Variants in ATG7 observed in about 807,000 individuals in gnomAD.
ATG7 encodes autophagy related 7, also known as ubiquitin-like modifier-activating enzyme ATG7.
A neutral mutation model predicts 82.4 loss-of-function variants in ATG7; 70 were observed. That is an observed-to-expected ratio of 0.85 (90% confidence interval 0.70 to 1.04). ATG7 has a LOEUF of 1.04. Among genes scored for constraint, ATG7 ranks in the 50% least tolerant of loss-of-function variants. The probability of loss-of-function intolerance (pLI) is 0.00; values close to 1 mark genes in which losing one functional copy is unlikely to be tolerated. For synonymous variants in ATG7, 287 were observed against 313.0 expected (o/e 0.92, Z 0.88); for missense variants, 792 against 864.3 (o/e 0.92, Z 1.05).
chr3:11,318,585 C>T (rs1038730643), intron 9 of ATG7, among the ~76,000 whole-genome samples: 1 of 152,176 alleles, frequency 6.6e-6, no homozygotes, highest in African/African-American at 2.4e-5. Flanking sequence ...CATTTTCTAA[C>T]GTGTAAATTT....
At chr3:11,549,916 T>C (rs1235280121) in intron 20 of ATG7, among the ~76,000 whole-genome samples, 1 of 152,198 alleles carries the variant, frequency 6.6e-6, no homozygotes, top group African/African-American at 2.4e-5. Flanking sequence ...TAGCTTCAGC[T>C]CTCCGAGGAG....
chr3:11,372,215 G>C (rs944271885), intron 18 of ATG7, among the ~76,000 whole-genome samples: 10 of 151,092 alleles, frequency 6.6e-5, no homozygotes, highest in Non-Finnish European at 1.2e-4. Flanking sequence ...CAGGTAATTG[G>C]GATTCTTCTA....
intron 20 of ATG7, chr3:11,477,017 C>T: frequency 9.5e-7 from 1 of 1,054,184 alleles, no homozygotes; most frequent in Non-Finnish European, 1.3e-6. Flanking sequence ...TTTCCGATGG[C>T]AGTCATTAAA....
At chr3:11,541,785 C>CT (rs2070857543) in intron 20 of ATG7, among the ~76,000 whole-genome samples, 1 of 152,184 alleles carries the variant, frequency 6.6e-6, no homozygotes, top group Admixed American at 6.5e-5. Context: ...AAGTGCCTGC[C>CT]TTTTTAAAGG....
chr3:11,538,672 G>A (rs1298433128), intron 20 of ATG7, among the ~76,000 whole-genome samples: 6 of 79,818 alleles, frequency 7.5e-5, no homozygotes, highest in Non-Finnish European at 1.3e-4. Context: ...ATGAAACTCC[G>A]TCTCTAAAAA....
Position 11,554,920 on chromosome 3 carries a change from C to T in ATG7, c.*77C>T. 6.5e-7 allele frequency: 1 copy of T among 1,546,626 alleles called. No individual in the cohort carries two copies. Among genetic ancestry groups the T allele is most frequent in the Non-Finnish European group, 8.8e-7 (1 of 1,141,440 alleles). ...TCCATCGCCAGAGCAGGACTGCTGA[C>T]CCCAGGCCTGGTGATTCTGGGCCCC... On this transcript the variant is annotated 3_prime_UTR_variant, in exon 21 of 21. Coordinates refer to ENST00000693202, the MANE Select transcript of ATG7 (RefSeq NM_001349232.2).
At chr3:11,345,172 G>A (rs777232023) in intron 13 of ATG7, among the ~76,000 whole-genome samples, 9 of 152,020 alleles carry the variant, frequency 5.9e-5, no homozygotes, top group Non-Finnish European at 1.0e-4. Context: ...TTGGGAGGCC[G>A]AGGCGGGCGG....
At chr3:11,378,410 C>T (rs931710593) in intron 18 of ATG7, among the ~76,000 whole-genome samples, 3 of 150,630 alleles carry the variant, frequency 2.0e-5, no homozygotes, top group Non-Finnish European at 4.4e-5. Context: ...GGGCTGGGCG[C>T]GGTGGCTCAC....
intron 18 of ATG7, among the ~76,000 whole-genome samples, chr3:11,377,289 C>T (rs2077492084): frequency 6.6e-6 from 1 of 152,146 alleles, no homozygotes; most frequent in Non-Finnish European, 1.5e-5. Flanking sequence ...ATTTGAAAGT[C>T]CTCACACACA....
At position 11,510,854 on chromosome 3, in the gene ATG7, A is replaced by G. The variant is rs532270443; in HGVS notation, c.2080-43957A>G. 2.6e-5 allele frequency among the ~76,000 whole-genome samples: 4 copies of G among 152,222 alleles called. No individual in the cohort carries two copies. The East Asian group carries it at 7.7e-4, about 29-fold the overall frequency. On this transcript the variant is annotated intron_variant, in intron 20 of 20. Transcript: ENST00000693202. ...TTTGGAGCCTTGGTGCCCCTGGATA[A>G]TTTGCCAGAGTCTGTGGCTTTGTGT...
intron 20 of ATG7, among the ~76,000 whole-genome samples, chr3:11,430,328 A>C (rs1346583965): frequency 6.6e-6 from 1 of 152,052 alleles, no homozygotes; most frequent in Non-Finnish European, 1.5e-5. Context: ...TATATGTTAA[A>C]ATATATATAT....
At chr3:11,516,213 C>T (rs2092277094) in intron 20 of ATG7, among the ~76,000 whole-genome samples, 1 of 151,928 alleles carries the variant, frequency 6.6e-6, no homozygotes, top group Non-Finnish European at 1.5e-5. Context: ...GTTCCAATAG[C>T]ATTAGGAGAT....
intron 3 of ATG7, 37 bp from the exon 4 acceptor site, chr3:11,298,649 A>G: frequency 6.3e-7 from 1 of 1,581,750 alleles, no homozygotes. Context: ...TTGCATGGAT[A>G]TGTTATTTTG....
At chr3:11,309,584 A>T (rs949612549) in intron 7 of ATG7, among the ~76,000 whole-genome samples, 1 of 152,082 alleles carries the variant, frequency 6.6e-6, no homozygotes, top group African/African-American at 2.4e-5. Flanking sequence ...AAGAAGGGGT[A>T]GGATGTAGAT....
rs746876282 is a variant in ATG7, at chr3:11,315,437, G to A, written c.622G>A (p.Val208Met). ...CTTAATCAAGTATGATGAGAACATGGTGCTGGTTTCCTTGCTTAAACACTA... is the reference window on the plus strand; with the variant it reads ...CTTAATCAAGTATGATGAGAACATGATGCTGGTTTCCTTGCTTAAACACTA... ...YFLIKYDENM[V>M]LVSLLKHYSD... The change falls in exon 9 of 21, where the codon GTG (valine) becomes ATG (methionine). Residue 208 changes from valine to methionine, a missense_variant. Coordinates refer to ENST00000693202, the MANE Select transcript of ATG7 (RefSeq NM_001349232.2). 6.2e-7 allele frequency: 1 copy of A among 1,612,602 alleles called. No individual in the cohort carries two copies. Among genetic ancestry groups the A allele is most frequent in the Non-Finnish European group, 8.5e-7 (1 of 1,179,444 alleles).
intron 5 of ATG7, 97 bp downstream of exon 5, chr3:11,299,513 T>C: frequency 7.6e-7 from 1 of 1,308,476 alleles, no homozygotes; most frequent in East Asian, 2.3e-5. Context: ...ACAGGAGGAC[T>C]AGGGAAGTTC....
chr3:11,485,938 A>C (rs915148587), intron 20 of ATG7, among the ~76,000 whole-genome samples: 1 of 152,124 alleles, frequency 6.6e-6, no homozygotes, highest in African/African-American at 2.4e-5. Context: ...TGTTTTGGTT[A>C]CTGTAGCCTT....
At chr3:11,357,853 T>C (rs2076030332) in intron 14 of ATG7, among the ~76,000 whole-genome samples, 1 of 151,160 alleles carries the variant, frequency 6.6e-6, no homozygotes, top group African/African-American at 2.4e-5. Context: ...TACTAAAAAT[T>C]AAAAAATCAG....
intron 20 of ATG7, among the ~76,000 whole-genome samples, chr3:11,434,546 A>G (rs1405010473): frequency 1.3e-5 from 2 of 152,194 alleles, no homozygotes; most frequent in Non-Finnish European, 2.9e-5. Flanking sequence ...GCAGAAAGCC[A>G]TTTACTTCTT....
Sources: allele counts gnomAD v4.1 joint callset (sites outside exome capture counted in the v4.1 genomes callset), GRCh38; gene constraint gnomAD v4.1.1; transcripts MANE v1.5; gene names NCBI Gene and HGNC (gene_info 2026-07-23, HGNC 2026-07-21).